Variants in LIN52 observed in about 807,000 individuals in gnomAD.
LIN52 encodes protein lin-52 homolog.
LIN52 carries 4 observed loss-of-function variants against 18.5 expected under a neutral mutation model. The observed-to-expected ratio is 0.22, with a 90% CI of 0.11 to 0.49. The LOEUF is 0.49. Ranked by LOEUF, LIN52 falls within the 20% of genes least tolerant of loss-of-function variation. The pLI, the probability that LIN52 is intolerant of heterozygous loss-of-function variation, is 0.97. For synonymous variants in LIN52, 34 were observed against 45.5 expected (o/e 0.75, Z 1.02); for missense variants, 102 against 139.5 (o/e 0.73, Z 1.35).
intron 5 of LIN52, among the ~76,000 whole-genome samples, chr14:74,116,992 C>T (rs557496619): frequency 1.3e-5 from 2 of 151,776 alleles, no homozygotes; most frequent in Non-Finnish European, 2.9e-5. Context: ...AAAAATACTA[C>T]TTAAAAAAAT....
intron 5 of LIN52, chr14:74,114,355 A>G (rs983448588): frequency 2.0e-6 from 2 of 985,484 alleles, no homozygotes. Flanking sequence ...GTAGGATGGT[A>G]GAGAGAGGAG....
At chr14:74,155,194 C>T (rs895161342) in intron 5 of LIN52, among the ~76,000 whole-genome samples, 2 of 152,174 alleles carry the variant, frequency 1.3e-5, no homozygotes, top group Non-Finnish European at 2.9e-5. Flanking sequence ...TTTCAGTGTG[C>T]TAAAACCAAA....
At chr14:74,175,673 G>C (rs2061289640) in intron 5 of LIN52, among the ~76,000 whole-genome samples, 1 of 148,444 alleles carries the variant, frequency 6.7e-6, no homozygotes, top group Non-Finnish European at 1.5e-5. Flanking sequence ...CTCCAGCCTG[G>C]GTGGCAAAGC....
chr14:74,183,117 A>G (rs74932744), intron 5 of LIN52, among the ~76,000 whole-genome samples: 1 of 142,168 alleles, frequency 7.0e-6, no homozygotes. Context: ...TTTTTTTTTT[A>G]GACGGAGTCT....
chr14:74,104,570 G>A (rs941479214), intron 5 of LIN52, among the ~76,000 whole-genome samples: 2 of 150,072 alleles, frequency 1.3e-5, no homozygotes, highest in African/African-American at 4.9e-5. Flanking sequence ...AGATCTAGAA[G>A]CTTGCACAGA....
At chr14:74,183,827 C>T (rs2061329969) in intron 5 of LIN52, among the ~76,000 whole-genome samples, 1 of 152,116 alleles carries the variant, frequency 6.6e-6, no homozygotes, top group Admixed American at 6.6e-5. Context: ...GAAGATCCCC[C>T]CTTTTTTGAA....
At chr14:74,161,930 G>A (rs1406465909) in intron 5 of LIN52, among the ~76,000 whole-genome samples, 2 of 152,180 alleles carry the variant, frequency 1.3e-5, no homozygotes, top group Admixed American at 1.3e-4. Flanking sequence ...GCAAAGCAAA[G>A]CACCAGGCTA....
chr14:74,130,974 T>C (rs1206874800), intron 5 of LIN52, among the ~76,000 whole-genome samples: 2 of 151,934 alleles, frequency 1.3e-5, no homozygotes, highest in Non-Finnish European at 2.9e-5. Flanking sequence ...TATTTATTTA[T>C]TGAGATAGGA....
At chr14:74,197,480 C>A (rs1385651038) in intron 5 of LIN52, among the ~76,000 whole-genome samples, 1 of 152,112 alleles carries the variant, frequency 6.6e-6, no homozygotes, top group Non-Finnish European at 1.5e-5. Flanking sequence ...ACAGTCTCTG[C>A]CTTCAGTTTT....
intron 5 of LIN52, among the ~76,000 whole-genome samples, chr14:74,166,086 T>C (rs2061248634): frequency 1.3e-5 from 2 of 151,362 alleles, no homozygotes; most frequent in African/African-American, 4.9e-5. Flanking sequence ...AGACGGGGTT[T>C]CTCCATGTTG....
Position 74,199,049 on chromosome 14 carries a change from C to A in LIN52, c.*72C>A. ...TTCCCGGTGCACCTCTAACAATGCA[C>A]ACCTCACTGCTTGCTTGGGAGAGGC... On this transcript the variant is annotated 3_prime_UTR_variant, in exon 6 of 6. Coordinates refer to ENST00000555028, the MANE Select transcript of LIN52 (RefSeq NM_001024674.3). 9.5e-7 allele frequency: 1 copy of A among 1,052,110 alleles called. No homozygotes were observed. Among genetic ancestry groups the A allele is most frequent in the Non-Finnish European group, 1.5e-6 (1 of 674,906 alleles). 65.2% of individuals were successfully genotyped at this position (1,052,110 alleles called of 1,614,324 possible). A position where few individuals can be genotyped will look rare whatever the true frequency, so the allele number is the denominator to read the frequency against.
At chr14:74,110,295 G>C (rs2060918674) in intron 5 of LIN52, among the ~76,000 whole-genome samples, 1 of 152,092 alleles carries the variant, frequency 6.6e-6, no homozygotes, top group Admixed American at 6.6e-5. Flanking sequence ...GATGCCAAGC[G>C]GGGATGATTG....
At chr14:74,119,313 C>A (rs958328796) in intron 5 of LIN52, among the ~76,000 whole-genome samples, 2 of 151,758 alleles carry the variant, frequency 1.3e-5, no homozygotes, top group African/African-American at 2.4e-5. Context: ...AGGCGCCCCC[C>A]CACCACGCCC....
intron 5 of LIN52, among the ~76,000 whole-genome samples, chr14:74,167,773 C>T (rs2061255783): frequency 6.6e-6 from 1 of 152,140 alleles, no homozygotes; most frequent in South Asian, 2.1e-4. Flanking sequence ...TGAACTCAAG[C>T]AGTCCTCCTG....
intron 5 of LIN52, among the ~76,000 whole-genome samples, chr14:74,159,130 T>G (rs1226389966): frequency 6.6e-6 from 1 of 150,668 alleles, no homozygotes; most frequent in Non-Finnish European, 1.5e-5. Flanking sequence ...AATTTAACAT[T>G]AGCAGATTAA....
chr14:74,130,278 G>GTTTTTTTTTTT (rs71460958), intron 5 of LIN52, among the ~76,000 whole-genome samples: 1,431 of 64,560 alleles, frequency 0.022, 177 homozygotes, highest in African/African-American at 0.037. Flanking sequence ...GCATTTTTTG[G>GTTTTTTTTTTT]TTTTTTTTTT....
intron 5 of LIN52, among the ~76,000 whole-genome samples, chr14:74,157,035 C>CTT (rs71115964): frequency 0.65 from 89,850 of 138,058 alleles, 29,512 homozygotes; most frequent in East Asian, 0.68. Flanking sequence ...TTTTCTTTTT[C>CTT]TTTTTTTTTT....
intron 2 of LIN52, among the ~76,000 whole-genome samples, chr14:74,095,149 GTTT>G (rs35455851): frequency 1.9e-5 from 2 of 103,726 alleles, no homozygotes; most frequent in Non-Finnish European, 1.9e-5. Context: ...CCAACTAACT[GTTT>G]TTTTTTTTTT....
intron 5 of LIN52, among the ~76,000 whole-genome samples, chr14:74,177,563 TAGTA>T (rs2061299525): frequency 6.6e-6 from 1 of 152,216 alleles, no homozygotes; most frequent in African/African-American, 2.4e-5. Context: ...AACTGTGACT[TAGTA>T]AGCAAAAACA....
Sources: allele counts gnomAD v4.1 joint callset (sites outside exome capture counted in the v4.1 genomes callset), GRCh38; gene constraint gnomAD v4.1.1; transcripts MANE v1.5; gene names NCBI Gene and HGNC (gene_info 2026-07-23, HGNC 2026-07-21).